Variants in NEGR1 observed in about 807,000 individuals in gnomAD.
The protein encoded by NEGR1 is IgLON family member 4.
A neutral mutation model predicts 40.9 loss-of-function variants in NEGR1; 10 were observed. The observed-to-expected ratio is 0.24, with a 90% CI of 0.15 to 0.42. NEGR1 has a LOEUF of 0.42. NEGR1 is among the 10% of genes least tolerant of loss of function. NEGR1 has a pLI of 1.00. For synonymous variants in NEGR1, 185 were observed against 166.8 expected, an observed-to-expected ratio of 1.11 and a Z score of -0.84; for missense variants, 352 against 438.9, an observed-to-expected ratio of 0.80 and a Z score of 1.77.
rs547697246 is a variant in NEGR1, at chr1:71,616,070, G to T, written c.668-4924C>A. The stretch of plus-strand genomic sequence containing the variant: ...CTGTATAAATAAAAGGATTTTGTGG[G>T]TACAGACATGTCTGATAATGCCCAG... On this transcript the variant is annotated intron_variant, in intron 4 of 6. Transcript: ENST00000357731. 2.0e-5 allele frequency among the ~76,000 whole-genome samples: 3 copies of T among 152,244 alleles called. No individual in the cohort carries two copies. In the East Asian group the frequency reaches 5.8e-4, roughly 29 times the overall value.
chr1:71,724,218 A>T (rs895551603), intron 3 of NEGR1, among the ~76,000 whole-genome samples: 2 of 152,120 alleles, frequency 1.3e-5, no homozygotes, highest in Non-Finnish European at 2.9e-5. Flanking sequence ...ATCTCCAAAT[A>T]TATTAAATTT....
intron 6 of NEGR1, among the ~76,000 whole-genome samples, chr1:71,512,658 C>G (rs1647083343): frequency 6.6e-6 from 1 of 151,516 alleles, no homozygotes; most frequent in Admixed American, 6.6e-5. Flanking sequence ...TCTCGGCTCA[C>G]TACAACCTGT....
intron 6 of NEGR1, among the ~76,000 whole-genome samples, chr1:71,523,655 T>C (rs1335709342): frequency 6.6e-6 from 1 of 151,876 alleles, no homozygotes; most frequent in Non-Finnish European, 1.5e-5. Context: ...TAGCGATTTA[T>C]ATGGCAACAG....
intron 2 of NEGR1, among the ~76,000 whole-genome samples, chr1:71,786,735 C>A (rs1386692510): frequency 6.6e-6 from 1 of 152,066 alleles, no homozygotes; most frequent in Non-Finnish European, 1.5e-5. Flanking sequence ...ATACTCTTTC[C>A]ACTAAAAATA....
chr1:71,699,348 G>GAT (rs1482762741), intron 3 of NEGR1, among the ~76,000 whole-genome samples: 1 of 151,760 alleles, frequency 6.6e-6, no homozygotes, highest in Non-Finnish European at 1.5e-5. Context: ...CTGCCCTCCA[G>GAT]ATAACTATGA....
chr1:71,472,750 C>A (rs878938228), intron 6 of NEGR1: 6 of 152,026 alleles, frequency 3.9e-5, no homozygotes, highest in Non-Finnish European at 8.8e-5. Context: ...TTTATATTCT[C>A]TCAGTGAGAA....
intron 2 of NEGR1, among the ~76,000 whole-genome samples, chr1:71,801,861 G>C (rs190853517): frequency 6.6e-6 from 1 of 152,166 alleles, no homozygotes; most frequent in Non-Finnish European, 1.5e-5. Context: ...TGAGGGTTCT[G>C]AAAGAAAAGA....
At chr1:71,585,164 A>G (rs1649262696) in intron 6 of NEGR1, among the ~76,000 whole-genome samples, 1 of 152,192 alleles carries the variant, frequency 6.6e-6, no homozygotes, top group Non-Finnish European at 1.5e-5. Flanking sequence ...AAAAATATAC[A>G]GAAGGTAAAA....
At chr1:71,937,571 T>A (rs1206671493) in intron 1 of NEGR1, among the ~76,000 whole-genome samples, 1 of 152,220 alleles carries the variant, frequency 6.6e-6, no homozygotes, top group Non-Finnish European at 1.5e-5. Flanking sequence ...GTTAAATGAC[T>A]GGCCTAAGCC....
chr1:71,914,061 G>T (rs537929537), intron 2 of NEGR1, among the ~76,000 whole-genome samples: 1 of 152,258 alleles, frequency 6.6e-6, no homozygotes, highest in East Asian at 1.9e-4. Flanking sequence ...AAGATTGTGA[G>T]ATATTTCTGG....
chr1:71,590,612 A>G (rs1760603), intron 6 of NEGR1, among the ~76,000 whole-genome samples: 136,072 of 152,062 alleles, frequency 0.89, 62,241 homozygotes, highest in Non-Finnish European at 1. Flanking sequence ...ATTTGGCTTC[A>G]GCCACATTTA....
intron 1 of NEGR1, among the ~76,000 whole-genome samples, chr1:72,008,899 G>A (rs909574227): frequency 4.6e-5 from 7 of 151,768 alleles, no homozygotes; most frequent in African/African-American, 1.7e-4. Flanking sequence ...AATTACTTTA[G>A]TGGGAAGAGT....
intron 1 of NEGR1, among the ~76,000 whole-genome samples, chr1:72,276,103 A>T (rs1231458104): frequency 6.6e-6 from 1 of 152,018 alleles, no homozygotes; most frequent in Non-Finnish European, 1.5e-5. Context: ...TCTCAGAAAA[A>T]GAAAAGAAAA....
chr1:72,002,298 G>A (rs1227197675), intron 1 of NEGR1, among the ~76,000 whole-genome samples: 11 of 151,912 alleles, frequency 7.2e-5, no homozygotes, highest in Non-Finnish European at 1.6e-4. Context: ...TCATAGGTGT[G>A]AGAAATTTGT....
At chr1:72,262,974 A>G (rs553763010) in intron 1 of NEGR1, among the ~76,000 whole-genome samples, 110 of 151,872 alleles carry the variant, frequency 7.2e-4, no homozygotes, top group Middle Eastern at 3.4e-3. Context: ...AAAATTCCAC[A>G]CTGTATTTCT....
intron 6 of NEGR1, among the ~76,000 whole-genome samples, chr1:71,502,935 C>T (rs1369510060): frequency 6.6e-6 from 1 of 152,098 alleles, no homozygotes; most frequent in Non-Finnish European, 1.5e-5. Flanking sequence ...CAAGAAACCT[C>T]TAGTAGGGAG....
At chr1:71,929,332 ACGGGT>A (rs1645832590) in intron 2 of NEGR1, among the ~76,000 whole-genome samples, 1 of 152,120 alleles carries the variant, frequency 6.6e-6, no homozygotes, top group Non-Finnish European at 1.5e-5. Context: ...ACGACACATA[ACGGGT>A]TATTAAGCCA....
At chr1:71,675,136 C>T (rs1404250163) in intron 4 of NEGR1, among the ~76,000 whole-genome samples, 285 of 6,646 alleles carry the variant, frequency 0.043, no homozygotes, top group Non-Finnish European at 0.096. Flanking sequence ...TACACACACA[C>T]ATATGAATTC....
intron 6 of NEGR1, among the ~76,000 whole-genome samples, chr1:71,438,956 T>C (rs1188928901): frequency 6.6e-6 from 1 of 152,164 alleles, no homozygotes; most frequent in Non-Finnish European, 1.5e-5. Context: ...TACTTAGGTG[T>C]CTGACTGAAG....
Sources: allele counts gnomAD v4.1 joint callset (sites outside exome capture counted in the v4.1 genomes callset), GRCh38; gene constraint gnomAD v4.1.1; transcripts MANE v1.5; gene names NCBI Gene and HGNC (gene_info 2026-07-23, HGNC 2026-07-21).